Variants in WWOX observed in about 807,000 individuals in gnomAD.
WWOX encodes WW domain-containing oxidoreductase.
In WWOX, 69 loss-of-function variants were observed where a neutral mutation model predicts 46.2. The observed-to-expected ratio is 1.49, with a 90% CI of 1.23 to 1.82. The LOEUF is 1.82. WWOX is among the 40% of genes most tolerant of loss of function. The pLI, the probability that WWOX is intolerant of heterozygous loss-of-function variation, is 0.00. For synonymous variants in WWOX, 359 were observed against 202.6 expected, an observed-to-expected ratio of 1.77 and a Z score of -6.56; for missense variants, 919 against 542.6, an observed-to-expected ratio of 1.69 and a Z score of -6.89.
At chr16:78,629,845 A>T (rs1488376391) in intron 8 of WWOX, among the ~76,000 whole-genome samples, 10 of 152,194 alleles carry the variant, frequency 6.6e-5, no homozygotes. Context: ...ACTAATTTAG[A>T]AATAGAAAAT....
intron 8 of WWOX, among the ~76,000 whole-genome samples, chr16:78,511,511 G>T (rs918649963): frequency 6.6e-6 from 1 of 152,202 alleles, no homozygotes; most frequent in African/African-American, 2.4e-5. Flanking sequence ...CAAGCCTGTT[G>T]CCTAAGAAAT....
chr16:78,875,459 T>C (rs960861), intron 8 of WWOX, among the ~76,000 whole-genome samples: 2,670 of 152,264 alleles, frequency 0.018, 65 homozygotes, highest in African/African-American at 0.058. Context: ...AACAAAAAAA[T>C]AGCAAATCAG....
intron 7 of WWOX, among the ~76,000 whole-genome samples, chr16:78,425,785 C>T (rs375465048): frequency 1.3e-3 from 203 of 152,168 alleles, no homozygotes; most frequent in Non-Finnish European, 2.4e-3. Context: ...TTCTCTTTCA[C>T]GTTTGCTTGG....
intron 8 of WWOX, among the ~76,000 whole-genome samples, chr16:78,456,370 G>A (rs1288821643): frequency 6.7e-6 from 1 of 150,170 alleles, no homozygotes; most frequent in Non-Finnish European, 1.5e-5. Context: ...AGTAGCAATG[G>A]AAACAAACTT....
chr16:78,683,557 A>G (rs867189625), intron 8 of WWOX, among the ~76,000 whole-genome samples: 24 of 86,002 alleles, frequency 2.8e-4, no homozygotes, highest in Admixed American at 1.4e-3. Context: ...AATAATAAAA[A>G]TAATAAAAAA....
chr16:78,559,007 CACAATCAT>C (rs1489403889), intron 8 of WWOX, among the ~76,000 whole-genome samples: 1 of 152,184 alleles, frequency 6.6e-6, no homozygotes, highest in African/African-American at 2.4e-5. Flanking sequence ...CTTTGTTGCT[CACAATCAT>C]ATCCACGGCA....
intron 8 of WWOX, among the ~76,000 whole-genome samples, chr16:78,571,293 C>T (rs1437542795): frequency 1.3e-5 from 2 of 152,028 alleles, no homozygotes; most frequent in African/African-American, 2.4e-5. Flanking sequence ...ATGACTTGCC[C>T]AAGGTCATAC....
chr16:78,515,787 G>A (rs1200547848), intron 8 of WWOX, among the ~76,000 whole-genome samples: 1 of 152,112 alleles, frequency 6.6e-6, no homozygotes, highest in African/African-American at 2.4e-5. Flanking sequence ...CTTAGCGGAG[G>A]GTACAGGGTC....
chr16:79,174,577 G>A (rs769675631), intron 8 of WWOX, among the ~76,000 whole-genome samples: 1 of 152,238 alleles, frequency 6.6e-6, no homozygotes, highest in Non-Finnish European at 1.5e-5. Flanking sequence ...GAACCTGGGA[G>A]ACAGAGGTTT....
chr16:78,245,207 G>A (rs752634800), intron 5 of WWOX, among the ~76,000 whole-genome samples: 7 of 152,100 alleles, frequency 4.6e-5, no homozygotes, highest in African/African-American at 9.7e-5. Context: ...TGTTCTAGAC[G>A]GTCCTGAACA....
intron 7 of WWOX, among the ~76,000 whole-genome samples, chr16:78,427,624 C>G (rs2083116265): frequency 6.6e-6 from 1 of 151,840 alleles, no homozygotes; most frequent in Non-Finnish European, 1.5e-5. Context: ...TTTAAAAATC[C>G]TCAATAAAAT....
intron 8 of WWOX, among the ~76,000 whole-genome samples, chr16:78,907,341 A>T (rs531062442): frequency 1.3e-5 from 2 of 152,290 alleles, no homozygotes; most frequent in South Asian, 4.1e-4. Flanking sequence ...CTACAAAGTG[A>T]TGTTATCTGC....
intron 8 of WWOX, among the ~76,000 whole-genome samples, chr16:79,111,254 C>T (rs547857641): frequency 8.5e-5 from 13 of 152,264 alleles, no homozygotes; most frequent in South Asian, 4.1e-4. Flanking sequence ...CACTGAGACC[C>T]GGGACACAGG....
chr16:78,103,945 G>T (rs545690107), intron 1 of WWOX, among the ~76,000 whole-genome samples: 1 of 151,994 alleles, frequency 6.6e-6, no homozygotes, highest in Admixed American at 6.6e-5. Flanking sequence ...AAGCCCACCA[G>T]GGTGGGCTCC....
At chr16:79,092,078 G>A (rs747011458) in intron 8 of WWOX, among the ~76,000 whole-genome samples, 2 of 152,092 alleles carry the variant, frequency 1.3e-5, no homozygotes, top group Non-Finnish European at 2.9e-5. Context: ...ACCGCACCGG[G>A]CCTCACGTTT....
chr16:78,414,071 C>G (rs2082742803), intron 6 of WWOX, among the ~76,000 whole-genome samples: 1 of 151,868 alleles, frequency 6.6e-6, no homozygotes, highest in Non-Finnish European at 1.5e-5. Context: ...ATCAGTTGAC[C>G]TTGTGACATT....
intron 8 of WWOX, among the ~76,000 whole-genome samples, chr16:79,181,776 CTT>C (rs1419339487): frequency 6.6e-6 from 1 of 152,238 alleles, no homozygotes; most frequent in East Asian, 1.9e-4. Context: ...ATGGAGAGGT[CTT>C]TTAAATCTCA....
chr16:78,265,672 C>G (rs916592159), intron 5 of WWOX, among the ~76,000 whole-genome samples: 7 of 115,568 alleles, frequency 6.1e-5, no homozygotes, highest in Admixed American at 1.7e-4. Context: ...GAGCGAAACT[C>G]CATGTCAAAA....
At chr16:78,848,645 T>G (rs779777750) in intron 8 of WWOX, among the ~76,000 whole-genome samples, 1 of 152,112 alleles carries the variant, frequency 6.6e-6, no homozygotes, top group Non-Finnish European at 1.5e-5. Flanking sequence ...TTTAGCCTAA[T>G]TAACAGATTT....
Sources: gnomAD v4.1 joint callset for allele counts (sites outside exome capture counted in the v4.1 genomes callset) on GRCh38, gnomAD v4.1.1 for gene constraint, MANE v1.5 for transcripts, NCBI Gene and HGNC (gene_info 2026-07-23, HGNC 2026-07-21) for gene names.